Variants in EXOC4 observed in about 807,000 individuals in gnomAD.
The protein encoded by EXOC4 is SEC8-like 1.
EXOC4 carries 71 observed loss-of-function variants against 107.2 expected under a neutral mutation model. The observed-to-expected ratio is 0.66, with a 90% CI of 0.55 to 0.81. The LOEUF (loss-of-function observed/expected upper bound fraction) is 0.81. EXOC4 is among the 30% of genes least tolerant of loss of function. The probability of loss-of-function intolerance (pLI) is 0.00; values close to 1 mark genes in which losing one functional copy is unlikely to be tolerated. For synonymous variants in EXOC4, 456 were observed against 441.2 expected, an observed-to-expected ratio of 1.03 and a Z score of -0.42; for missense variants, 1,108 against 1,189.6, an observed-to-expected ratio of 0.93 and a Z score of 1.01.
intron 12 of EXOC4, among the ~76,000 whole-genome samples, chr7:133,910,183 A>G (rs1350694539): frequency 1.3e-5 from 2 of 152,174 alleles, no homozygotes; most frequent in African/African-American, 2.4e-5. Context: ...CGGCCTCCCA[A>G]AGTGCTGGGA....
At chr7:133,935,581 C>T (rs77630864) in intron 13 of EXOC4, among the ~76,000 whole-genome samples, 3,105 of 152,216 alleles carry the variant, frequency 0.02, 97 homozygotes, top group African/African-American at 0.067. Context: ...TAACATACTT[C>T]CTCCTGCTCA....
intron 9 of EXOC4, chr7:133,483,931 C>T (rs1799213834): frequency 8.8e-7 from 1 of 1,135,176 alleles, no homozygotes; most frequent in Non-Finnish European, 1.3e-6. Context: ...TTCAGTCAAA[C>T]CGTAAGAGAC....
At chr7:133,778,830 A>G (rs1028635443) in intron 10 of EXOC4, among the ~76,000 whole-genome samples, 1 of 152,216 alleles carries the variant, frequency 6.6e-6, no homozygotes. Flanking sequence ...TAGTTCTACT[A>G]AAATGCTAAC....
At chr7:133,314,630 G>A (rs891294996) in intron 4 of EXOC4, among the ~76,000 whole-genome samples, 5 of 152,164 alleles carry the variant, frequency 3.3e-5, no homozygotes, top group African/African-American at 1.2e-4. Context: ...CTAGAGTGAT[G>A]TGCATGTACA....
At chr7:133,366,559 C>A (rs61710438) in intron 6 of EXOC4, among the ~76,000 whole-genome samples, 30 of 152,188 alleles carry the variant, frequency 2.0e-4, no homozygotes, top group African/African-American at 7.2e-4. Context: ...TCATGTTTAG[C>A]TTGGTAAGGT....
chr7:133,451,138 G>T (rs944109425), intron 7 of EXOC4, among the ~76,000 whole-genome samples: 1 of 151,984 alleles, frequency 6.6e-6, no homozygotes, highest in African/African-American at 2.4e-5. Context: ...ACTCTCTTCC[G>T]TTGACCTTGT....
chr7:133,398,752 G>A (rs1797026799), intron 7 of EXOC4, among the ~76,000 whole-genome samples: 2 of 152,076 alleles, frequency 1.3e-5, no homozygotes, highest in African/African-American at 2.4e-5. Context: ...AAGAGAACTC[G>A]ATTACTTTTA....
At chr7:133,276,755 G>C (rs996028704) in intron 2 of EXOC4, among the ~76,000 whole-genome samples, 2 of 152,088 alleles carry the variant, frequency 1.3e-5, no homozygotes, top group African/African-American at 4.8e-5. Context: ...TATCTGCCCA[G>C]TAACAGCTGT....
At chr7:133,836,545 T>C (rs1026058948) in intron 11 of EXOC4, among the ~76,000 whole-genome samples, 1 of 152,214 alleles carries the variant, frequency 6.6e-6, no homozygotes. Flanking sequence ...AGTAACATCT[T>C]AAACCACCTC....
chr7:133,480,387 C>T (rs1799126449), intron 9 of EXOC4: 9 of 1,291,544 alleles, frequency 7.0e-6, no homozygotes, highest in Non-Finnish European at 8.9e-6. Flanking sequence ...TGAGGCCAGG[C>T]TCGTCTTGCT....
chr7:133,797,252 G>A (rs1231050170), intron 10 of EXOC4, among the ~76,000 whole-genome samples: 1 of 152,148 alleles, frequency 6.6e-6, no homozygotes, highest in African/African-American at 2.4e-5. Context: ...TATTAATAGA[G>A]CCATTTTAAA....
At chr7:133,296,335 A>C (rs550975525) in intron 3 of EXOC4, among the ~76,000 whole-genome samples, 1 of 152,250 alleles carries the variant, frequency 6.6e-6, no homozygotes, top group East Asian at 1.9e-4. Context: ...ACAATAAGAC[A>C]GGGAGACTGG....
the EXOC4 span, among the ~76,000 whole-genome samples, chr7:134,092,195 C>G: frequency 6.6e-6 from 1 of 152,026 alleles, no homozygotes; most frequent in African/African-American, 2.4e-5. Flanking sequence ...AGTGGTGATG[C>G]CTCCAGAACC....
At chr7:133,512,120 A>G (rs538915705) in intron 9 of EXOC4, among the ~76,000 whole-genome samples, 1 of 152,302 alleles carries the variant, frequency 6.6e-6, no homozygotes, top group Admixed American at 6.5e-5. Context: ...AACTGCTGTG[A>G]AAGGAACGTA....
At chr7:133,333,763 A>T (rs917181344) in intron 5 of EXOC4, among the ~76,000 whole-genome samples, 1 of 152,218 alleles carries the variant, frequency 6.6e-6, no homozygotes, top group South Asian at 2.1e-4. Context: ...ACTGCAGTTC[A>T]GCTGAGCCTT....
At chr7:133,405,140 G>C (rs919404934) in intron 7 of EXOC4, among the ~76,000 whole-genome samples, 1 of 152,024 alleles carries the variant, frequency 6.6e-6, no homozygotes, top group African/African-American at 2.4e-5. Flanking sequence ...TTTGTCTGAG[G>C]TAGAATTTAA....
intron 7 of EXOC4, among the ~76,000 whole-genome samples, chr7:133,398,654 A>C (rs974484485): frequency 3.3e-5 from 5 of 152,188 alleles, no homozygotes; most frequent in Non-Finnish European, 4.4e-5. Flanking sequence ...TTAGAGAGGG[A>C]GCTAAAAGCA....
chr7:133,630,010 T>A (rs766571551), intron 9 of EXOC4, 35 bp from the exon 10 acceptor site: 7 of 1,487,784 alleles, frequency 4.7e-6, no homozygotes, highest in Non-Finnish European at 6.6e-6. Flanking sequence ...AAAGTTTCAA[T>A]GAGCTAAGTC....
At chr7:133,858,920 C>T (rs1311580669) in intron 11 of EXOC4, among the ~76,000 whole-genome samples, 2 of 152,122 alleles carry the variant, frequency 1.3e-5, no homozygotes, top group South Asian at 2.1e-4. Flanking sequence ...AAATTCCAGG[C>T]GCCTGTTCTG....
Sources: allele counts gnomAD v4.1 joint callset (sites outside exome capture counted in the v4.1 genomes callset), GRCh38; gene constraint gnomAD v4.1.1; transcripts MANE v1.5; gene names NCBI Gene and HGNC (gene_info 2026-07-23, HGNC 2026-07-21).